SMAD3: variants seen among roughly 807,000 people sequenced by gnomAD.
SMAD3 encodes SMAD family member 3, also known as MAD homolog 3.
Under a neutral mutation model 51.8 loss-of-function variants are expected in SMAD3, and 12 were observed. The observed-to-expected ratio is 0.23, with a 90% confidence interval of 0.15 to 0.38. SMAD3 has a LOEUF of 0.38. Among genes scored for constraint, SMAD3 ranks in the 10% least tolerant of loss-of-function variants. SMAD3 has a pLI of 1.00. For synonymous variants in SMAD3, 238 were observed against 227.7 expected, an observed-to-expected ratio of 1.05 and a Z score of -0.41; for missense variants, 294 against 565.6, an observed-to-expected ratio of 0.52 and a Z score of 4.87.
intron 5 of SMAD3, among the ~76,000 whole-genome samples, chr15:67,171,263 C>T (rs533740035): frequency 1.8e-4 from 28 of 152,060 alleles, no homozygotes; most frequent in Non-Finnish European, 2.9e-4. Flanking sequence ...TCTTGTTTAT[C>T]GTTGTGTGTT....
At chr15:67,098,731 C>T in intron 1 of SMAD3, 1 of 614,226 alleles carries the variant, frequency 1.6e-6, no homozygotes, top group South Asian at 1.8e-5. Flanking sequence ...CTTGGGGAGG[C>T]TTGCTTTGGT....
chr15:67,125,960 G>A (rs1857325888), intron 1 of SMAD3: 3 of 985,430 alleles, frequency 3.0e-6, no homozygotes, highest in Non-Finnish European at 3.6e-6. Context: ...CCACACTCGG[G>A]CCTGTGTTGA....
At position 67,190,653 on chromosome 15, in the gene SMAD3, C is replaced by A; in HGVS notation, c.*117C>A. 1 of 1,115,678 alleles carries A rather than the reference C, an allele frequency of 9.0e-7. No individual in the cohort carries two copies. The highest frequency in any genetic ancestry group is 1.3e-6 in the Non-Finnish European group (1 of 758,064). 69.1% of individuals were successfully genotyped at this position (1,115,678 alleles called of 1,614,324 possible). A position where few individuals can be genotyped will look rare whatever the true frequency, so the allele number is the denominator to read the frequency against. ...CAAGGAAGAAGAAATCTTTCTCCCT[C>A]AACTGAAGGGGTGCACCCACCTGTT... On this transcript the variant is annotated 3_prime_UTR_variant, in exon 9 of 9. Transcript: ENST00000327367.
chr15:67,112,370 A>G (rs1961037428), intron 1 of SMAD3, among the ~76,000 whole-genome samples: 1 of 129,314 alleles, frequency 7.7e-6, no homozygotes, highest in South Asian at 2.7e-4. Flanking sequence ...CGTGTTGGTC[A>G]AGCTGGTCTT....
At chr15:67,067,753 G>A (rs1168891890) in intron 1 of SMAD3, among the ~76,000 whole-genome samples, 1 of 152,136 alleles carries the variant, frequency 6.6e-6, no homozygotes, top group South Asian at 2.1e-4. Flanking sequence ...GAGGGAAGGC[G>A]GTGTGCTGTC....
chr15:67,125,957 C>T (rs889646488), intron 1 of SMAD3: 57 of 985,398 alleles, frequency 5.8e-5, no homozygotes, highest in African/African-American at 7.0e-5. Flanking sequence ...AACCCACACT[C>T]GGGCCTGTGT....
chr15:67,078,381 T>TG (rs1960215654), intron 1 of SMAD3, among the ~76,000 whole-genome samples: 1 of 152,202 alleles, frequency 6.6e-6, no homozygotes, highest in South Asian at 2.1e-4. Flanking sequence ...TCAATTTCTT[T>TG]GTTGATGATC....
At chr15:67,115,763 G>GAT (rs1428896184) in intron 1 of SMAD3, among the ~76,000 whole-genome samples, 3 of 152,346 alleles carry the variant, frequency 2.0e-5, no homozygotes, top group Non-Finnish European at 2.9e-5. Flanking sequence ...CTGGGCTCTG[G>GAT]ATATAGTAGT....
chr15:67,066,838 G>T (rs1016444946), intron 1 of SMAD3, among the ~76,000 whole-genome samples: 14 of 152,356 alleles, frequency 9.2e-5, no homozygotes, highest in African/African-American at 3.1e-4. Context: ...ACAGGAATGC[G>T]GTCCGTACAG....
At chr15:67,120,885 C>T (rs1961244059) in intron 1 of SMAD3, among the ~76,000 whole-genome samples, 2 of 152,124 alleles carry the variant, frequency 1.3e-5, no homozygotes, top group African/African-American at 4.8e-5. Context: ...TTTAGCTCAT[C>T]AGCTATCGTT....
intron 1 of SMAD3, among the ~76,000 whole-genome samples, chr15:67,122,215 A>G (rs1255370106): frequency 6.6e-6 from 1 of 152,238 alleles, no homozygotes; most frequent in Non-Finnish European, 1.5e-5. Context: ...TTTTCATTTT[A>G]CACATGAGGA....
At chr15:67,133,218 C>T (rs971566296) in intron 1 of SMAD3, among the ~76,000 whole-genome samples, 2 of 152,198 alleles carry the variant, frequency 1.3e-5, no homozygotes, top group African/African-American at 4.8e-5. Flanking sequence ...AACTCAATGA[C>T]ATTGGCTGAA....
At position 67,066,277 on chromosome 15, in the gene SMAD3, A is replaced by G; in HGVS notation, c.123A>G (p.Lys41=). 6.8e-6 allele frequency: 11 copies of G among 1,613,614 alleles called. No homozygotes were observed. The highest frequency in any genetic ancestry group is 1.3e-5 in the African/African-American group (1 of 74,990). Residue 41 remains lysine, a synonymous_variant, in exon 1 of 9, where the codon AAA becomes AAG. Coordinates refer to ENST00000327367, the MANE Select transcript of SMAD3 (RefSeq NM_005902.4). ...AGGCGGTCAAGAGCCTGGTCAAGAA[A>G]CTCAAGAAGACGGGGCAGCTGGACG... ...CEKAVKSLVK[K]LKKTGQLDEL... is the part of the protein sequence containing the mutation.
chr15:67,190,540 C>T lies in SMAD3; in HGVS notation c.*4C>T, dbSNP rs1252748287. 1.6e-5 allele frequency: 26 copies of T among 1,613,864 alleles called. No individual in the cohort carries two copies. The highest frequency in any genetic ancestry group is 3.3e-4 in the Middle Eastern group (2 of 6,008). ...CCGCTGTTCCAGTGTGTCTTAGAGA[C>T]ATCAAGTATGGTAGGGGAGGGCAGG... is the stretch of plus-strand genomic sequence containing the variant. On this transcript the variant is annotated 3_prime_UTR_variant, in exon 9 of 9. Coordinates refer to ENST00000327367, the MANE Select transcript of SMAD3 (RefSeq NM_005902.4).
In SMAD3 at chr15:67,175,196, A is replaced by T. The variant is rs150032187; in HGVS notation, c.658+4592A>T. Among the ~76,000 whole-genome samples, 156 of 152,298 alleles carry T rather than the reference A, an allele frequency of 1.0e-3. 1 individual carries two copies. The highest frequency in any genetic ancestry group is 6.6e-3 in the East Asian group (34 of 5,188). On this transcript the variant is annotated intron_variant, in intron 5 of 8. Coordinates refer to ENST00000327367, the MANE Select transcript of SMAD3 (RefSeq NM_005902.4). Reference sequence around the variant, plus strand: ...GTGAGTAAGTTGTTCCCTGCTTTAAAGTGAGATGATTAGGGCGGAGCCATG... The same window carrying T: ...GTGAGTAAGTTGTTCCCTGCTTTAATGTGAGATGATTAGGGCGGAGCCATG...
intron 1 of SMAD3, among the ~76,000 whole-genome samples, chr15:67,079,720 G>A (rs1218932974): frequency 6.6e-6 from 1 of 152,188 alleles, no homozygotes; most frequent in Non-Finnish European, 1.5e-5. Flanking sequence ...GGAGGCTGAA[G>A]CATTGAGGGG....
chr15:67,193,293 G>A lies in SMAD3; in HGVS notation c.*2757G>A, dbSNP rs1177663733. ...CCTAGTCAACACGACCGCGTGTGTTGCCCCTGCCCTGGGCTCCCCGCCATG... is the reference window on the plus strand; with the variant it reads ...CCTAGTCAACACGACCGCGTGTGTTACCCCTGCCCTGGGCTCCCCGCCATG... On this transcript the variant is annotated 3_prime_UTR_variant, in exon 9 of 9. Coordinates refer to ENST00000327367, the MANE Select transcript of SMAD3 (RefSeq NM_005902.4). The A allele has an allele frequency of 8.6e-6, 2 of 233,354 alleles. No individual in the cohort carries two copies. The highest frequency in any genetic ancestry group is 1.7e-5 in the Non-Finnish European group (2 of 118,094). The allele number at this position is 233,354 out of a possible 1,614,324, so 14.5% of individuals were successfully genotyped here. A position where few individuals can be genotyped will look rare whatever the true frequency, so the allele number is the denominator to read the frequency against.
At chr15:67,152,900 A>G (rs534359444) in intron 1 of SMAD3, among the ~76,000 whole-genome samples, 12 of 152,258 alleles carry the variant, frequency 7.9e-5, no homozygotes, top group African/African-American at 2.6e-4. Context: ...TCCTCCTTCA[A>G]TATTTAACCG....
chr15:67,187,205 A>C, intron 7 of SMAD3, 160 bp from the exon 8 acceptor site: 1 of 838,776 alleles, frequency 1.2e-6, no homozygotes, highest in Non-Finnish European at 2.0e-6. Flanking sequence ...TTTGCATGGT[A>C]CTGAGTGTGG....
Sources: allele counts gnomAD v4.1 joint callset (sites outside exome capture counted in the v4.1 genomes callset), GRCh38; gene constraint gnomAD v4.1.1; transcripts MANE v1.5; gene names NCBI Gene and HGNC (gene_info 2026-07-23, HGNC 2026-07-21).